The following ZNF568 variants were observed in gnomAD, a reference collection of about 807,000 sequenced individuals.
The protein encoded by ZNF568 is p53 inhibitor of SCO2 activation.
ZNF568 carries 11 observed loss-of-function variants against 18.1 expected under a neutral mutation model. That is an observed-to-expected ratio of 0.61 (90% CI 0.38 to 1.00). ZNF568 has a LOEUF of 1.00. Among genes scored for constraint, ZNF568 ranks in the 50% least tolerant of loss-of-function variants. ZNF568 has a pLI of 0.01. For synonymous variants in ZNF568, 213 were observed against 246.6 expected (o/e 0.86, Z 1.28); for missense variants, 639 against 768.2 (o/e 0.83, Z 1.99).
intron 6 of ZNF568, among the ~76,000 whole-genome samples, chr19:36,959,073 G>A (rs1489404907): frequency 6.6e-6 from 1 of 152,126 alleles, no homozygotes; most frequent in Non-Finnish European, 1.5e-5. Flanking sequence ...GAATAGGAGT[G>A]GTGAAAGTCG....
intron 6 of ZNF568, among the ~76,000 whole-genome samples, chr19:36,961,940 TAGCTCCCCATGC>T (rs1404964501): frequency 6.8e-5 from 10 of 146,832 alleles, no homozygotes; most frequent in African/African-American, 2.5e-4. Context: ...GCCCCACAAG[TAGCTCCCCATGC>T]ACCACCATGC....
At chr19:36,990,206 G>C (rs1010262356) in intron 2 of ZNF568, among the ~76,000 whole-genome samples, 1 of 152,166 alleles carries the variant, frequency 6.6e-6, no homozygotes, top group Non-Finnish European at 1.5e-5. Context: ...TGCGCACCTC[G>C]TGTGACATCG....
At position 36,949,907 on chromosome 19, in the gene ZNF568, T is replaced by C. The variant is rs2074029078; in HGVS notation, c.754T>C (p.Cys252Arg). The C allele has an allele frequency of 1.2e-6, 2 of 1,613,814 alleles. No homozygotes were observed. Among genetic ancestry groups the C allele is most frequent in the East Asian group, 2.2e-5 (1 of 44,862 alleles). ...RIHAGEKPYE[C>R]KECGKAFSRK... Reference sequence around the variant, plus strand: ...TCATGCTGGAGAGAAACCTTACGAATGTAAAGAATGTGGAAAAGCCTTCAG... The same window carrying C: ...TCATGCTGGAGAGAAACCTTACGAACGTAAAGAATGTGGAAAAGCCTTCAG... Residue 252 changes from cysteine (C) to arginine (R), a missense_variant, in exon 7 of 7, where the codon TGT (cysteine) becomes CGT (arginine). Physicochemically the swap from Cys to Arg is radical, Grantham distance 180. Transcript: ENST00000333987.
chr19:36,917,223 T>C (rs1480077107), intron 1 of ZNF568, among the ~76,000 whole-genome samples: 1 of 152,164 alleles, frequency 6.6e-6, no homozygotes, highest in African/African-American at 2.4e-5. Flanking sequence ...CATGTGTTCT[T>C]TCAGGGTCTC....
intron 6 of ZNF568, among the ~76,000 whole-genome samples, chr19:36,961,140 T>C (rs976018929): frequency 6.6e-6 from 1 of 152,180 alleles, no homozygotes; most frequent in South Asian, 2.1e-4. Context: ...ATTATTGTAA[T>C]GCAGTCTCTC....
At chr19:36,979,296 T>C (rs548633342) in exon 8 of ZNF568, 2 of 157,886 alleles carry the variant, frequency 1.3e-5, no homozygotes, top group East Asian at 3.8e-4. Context: ...AACTGTCTTT[T>C]TAAAACTGCT....
intron 7 of ZNF568, among the ~76,000 whole-genome samples, chr19:36,977,052 G>A (rs917984326): frequency 1.3e-5 from 2 of 152,026 alleles, no homozygotes; most frequent in South Asian, 2.1e-4. Flanking sequence ...TCATTTATAC[G>A]TTGTTTTAGA....
chr19:36,989,307 CT>C (rs1453209985), intron 2 of ZNF568, among the ~76,000 whole-genome samples: 2 of 152,146 alleles, frequency 1.3e-5, no homozygotes, highest in African/African-American at 4.8e-5. Flanking sequence ...CTTAGCCCCC[CT>C]AGTAGCTGGG....
chr19:36,993,667 T>C (rs1783506045), intron 4 of ZNF568, among the ~76,000 whole-genome samples: 1 of 152,180 alleles, frequency 6.6e-6, no homozygotes, highest in Admixed American at 6.5e-5. Context: ...TTTGTCTAAG[T>C]TATCTAACTT....
intron 6 of ZNF568, among the ~76,000 whole-genome samples, chr19:36,945,210 A>AGTGTGTGTGTGT (rs10616521): frequency 1.4e-3 from 194 of 141,958 alleles, no homozygotes; most frequent in African/African-American, 3.7e-3. Context: ...CAGAGAGAGA[A>AGTGTGTGTGTGT]GTGTGTGTGT....
intron 2 of ZNF568, among the ~76,000 whole-genome samples, chr19:36,922,365 GA>G (rs1158629702): frequency 6.6e-6 from 1 of 152,166 alleles, no homozygotes; most frequent in Non-Finnish European, 1.5e-5. Context: ...GTGCAAGACA[GA>G]AGCCCTAATG....
chr19:36,933,905 TTTTTTG>T (rs2073736296), intron 4 of ZNF568, among the ~76,000 whole-genome samples: 2 of 35,908 alleles, frequency 5.6e-5, no homozygotes, highest in Admixed American at 3.0e-4. Flanking sequence ...GTAGGTTTTT[TTTTTTG>T]TTTTGTTTTT....
Position 36,950,423 on chromosome 19 carries a change from G to A in ZNF568, c.1270G>A (p.Gly424Arg). 6.2e-7 allele frequency: 1 copy of A among 1,613,876 alleles called. No homozygotes were observed. The highest frequency in any genetic ancestry group is 8.5e-7 in the Non-Finnish European group (1 of 1,179,940). ...GEKPYVCSEC[G>R]KAFSQSSSLT... ...GAAACCCTATGTATGTAGTGAATGT[G>A]GGAAAGCCTTCTCTCAGAGTTCATC... The change falls in exon 7 of 7, where the codon GGG becomes AGG. Residue 424 changes from glycine to arginine, a missense_variant. Physicochemically the swap from Gly to Arg is moderately radical, Grantham distance 125 (BLOSUM62 -2). Coordinates refer to ENST00000333987, the MANE Select transcript of ZNF568 (RefSeq NM_198539.4).
At chr19:36,956,994 T>C (rs190466234), downstream of ZNF568, among the ~76,000 whole-genome samples, 50 of 152,244 alleles carry the variant, frequency 3.3e-4, no homozygotes, top group Admixed American at 2.3e-3. Context: ...AAGAATTATT[T>C]CCAAAACCAA....
intron 2 of ZNF568, among the ~76,000 whole-genome samples, chr19:36,989,344 G>T (rs980463468): frequency 6.6e-6 from 1 of 151,860 alleles, no homozygotes; most frequent in Admixed American, 6.6e-5. Flanking sequence ...CACCATGCCC[G>T]GCTAATTTTT....
At chr19:36,960,003 C>T (rs1401853535) in intron 6 of ZNF568, among the ~76,000 whole-genome samples, 4 of 151,220 alleles carry the variant, frequency 2.6e-5, no homozygotes, top group Non-Finnish European at 4.4e-5. Flanking sequence ...TTTAATTCTG[C>T]TCTGATCTTT....
In ZNF568 at chr19:36,931,913, T is replaced by C. The variant is rs900743931; in HGVS notation, c.136-4833T>C. Among the ~76,000 whole-genome samples, 6 of 152,168 alleles carry C rather than the reference T, an allele frequency of 3.9e-5. 1 individual carries two copies. The highest frequency in any genetic ancestry group is 3.4e-3 in the Middle Eastern group (1 of 294). On this transcript the variant is annotated intron_variant, in intron 4 of 6. Coordinates refer to ENST00000333987, the MANE Select transcript of ZNF568 (RefSeq NM_198539.4). ...CCTGTTTTCCCTTAAGGCTCTGATG[T>C]AGGCAAGAATAAATGATTTCTAGCT...
chr19:36,928,344 T>A (rs1265532397), intron 4 of ZNF568, among the ~76,000 whole-genome samples: 1 of 152,110 alleles, frequency 6.6e-6, no homozygotes, highest in Non-Finnish European at 1.5e-5. Flanking sequence ...TCAGAACCTG[T>A]GATTTCAAAA....
At chr19:36,925,289 A>C in intron 4 of ZNF568, 31 bp downstream of exon 4, 6 of 1,606,398 alleles carry the variant, frequency 3.7e-6, no homozygotes, top group Non-Finnish European at 5.1e-6. Flanking sequence ...TGTTTCCTGC[A>C]TTATTTTGCA....
Sources: allele counts gnomAD v4.1 joint callset (sites outside exome capture counted in the v4.1 genomes callset), GRCh38; gene constraint gnomAD v4.1.1; transcripts MANE v1.5; gene names NCBI Gene and HGNC (gene_info 2026-07-23, HGNC 2026-07-21).